The following RTL4 variants were observed in gnomAD, a reference collection of about 807,000 sequenced individuals.
RTL4 encodes the protein retrotransposon Gag like 4.
In RTL4, 4 loss-of-function variants were observed where a neutral mutation model predicts 5.3. The ratio of observed to expected loss-of-function variants is 0.75; its 90% CI spans 0.37 to 1.72. RTL4 has a LOEUF of 1.72. Among genes scored for constraint, RTL4 ranks in the 40% most tolerant of loss-of-function variants. The pLI is 0.04. For missense variants in RTL4, 260 were observed against 227.1 expected (o/e 1.14, Z -0.93); for synonymous variants, 98 against 87.3 (o/e 1.12, Z -0.68).
the RTL4 span, among the ~76,000 whole-genome samples, chrX:112,147,443 T>C: frequency 9.0e-6 from 1 of 111,151 alleles, no homozygotes; most frequent in Non-Finnish European, 1.9e-5. Context: ...GGTTGGTCAG[T>C]GTTAGGAAAT....
At chrX:112,357,720 G>C in the RTL4 span, among the ~76,000 whole-genome samples, 1 of 111,679 alleles carries the variant, frequency 9.0e-6, no homozygotes, top group Admixed American at 9.5e-5. Context: ...ATATATGGCT[G>C]TACAAACAAC....
At chrX:112,140,532 A>G in the RTL4 span, among the ~76,000 whole-genome samples, 6 of 111,608 alleles carry the variant, frequency 5.4e-5, no homozygotes, top group Admixed American at 5.7e-4. Flanking sequence ...CTACAGATTC[A>G]GTGTCTGGTT....
At chrX:112,362,572 G>C in the RTL4 span, among the ~76,000 whole-genome samples, 1 of 111,253 alleles carries the variant, frequency 9.0e-6, no homozygotes, top group African/African-American at 3.3e-5. Flanking sequence ...TATGGTGTTT[G>C]AGAAGAAAGT....
chrX:112,201,149 C>T, the RTL4 span, among the ~76,000 whole-genome samples: 1 of 110,785 alleles, frequency 9.0e-6, no homozygotes, highest in Non-Finnish European at 1.9e-5. Flanking sequence ...AAGTGCTGAG[C>T]GAAGGGAGAA....
chrX:112,097,375 C>G, the RTL4 span, among the ~76,000 whole-genome samples: 2 of 111,244 alleles, frequency 1.8e-5, no homozygotes, highest in Non-Finnish European at 3.8e-5. Context: ...GTGGCTCAAG[C>G]CTGTAACCTG....
chrX:112,186,118 G>C, the RTL4 span, among the ~76,000 whole-genome samples: 1 of 111,627 alleles, frequency 9.0e-6, no homozygotes, highest in East Asian at 2.9e-4. Context: ...CTTCATGCTA[G>C]CAGATTAGCG....
chrX:112,360,520 T>A, the RTL4 span, among the ~76,000 whole-genome samples: 4 of 111,170 alleles, frequency 3.6e-5, no homozygotes, highest in Non-Finnish European at 7.6e-5. Context: ...AAGAATTCTT[T>A]CAGAACATAG....
chrX:112,162,477 G>A, the RTL4 span, among the ~76,000 whole-genome samples: 2 of 111,644 alleles, frequency 1.8e-5, no homozygotes, highest in African/African-American at 6.5e-5. Flanking sequence ...TTAATGAAAG[G>A]AGAAATGATT....
chrX:112,285,588 G>A, the RTL4 span, among the ~76,000 whole-genome samples: 1 of 111,376 alleles, frequency 9.0e-6, no homozygotes, highest in Admixed American at 9.6e-5. Flanking sequence ...GAGGCTGAAG[G>A]AAAAATAAAG....
the RTL4 span, among the ~76,000 whole-genome samples, chrX:112,309,881 T>C: frequency 4.8e-5 from 5 of 104,034 alleles, no homozygotes; most frequent in African/African-American, 7.0e-5. Context: ...TACATATATA[T>C]ACACACACAC....
At chrX:112,381,244 GA>G in the RTL4 span, 1 of 1,202,774 alleles carries the variant, frequency 8.3e-7, no homozygotes, top group Non-Finnish European at 1.1e-6. Context: ...TGACCTTCAG[GA>G]TGAATGCTTG....
chrX:112,083,108 T>TC, the RTL4 span, among the ~76,000 whole-genome samples: 1 of 110,205 alleles, frequency 9.1e-6, no homozygotes, highest in African/African-American at 3.3e-5. Flanking sequence ...GTCTCATCTC[T>TC]CCCCCCTCGG....
the RTL4 span, among the ~76,000 whole-genome samples, chrX:112,402,576 G>A: frequency 9.0e-6 from 1 of 110,721 alleles, no homozygotes; most frequent in Admixed American, 9.7e-5. Context: ...GTCTGAGCTG[G>A]GAATTTGGAA....
the RTL4 span, among the ~76,000 whole-genome samples, chrX:112,398,742 C>G: frequency 3.6e-5 from 4 of 111,725 alleles, no homozygotes; most frequent in South Asian, 1.5e-3. Flanking sequence ...TTTTTTGTTT[C>G]TATCTTCATG....
the RTL4 span, among the ~76,000 whole-genome samples, chrX:112,290,303 A>G: frequency 8.9e-6 from 1 of 112,112 alleles, no homozygotes; most frequent in Non-Finnish European, 1.9e-5. Flanking sequence ...TCTTCAGAGA[A>G]GGAAGCCATC....
the RTL4 span, among the ~76,000 whole-genome samples, chrX:112,244,032 C>T: frequency 8.9e-6 from 1 of 112,183 alleles, no homozygotes; most frequent in Non-Finnish European, 1.9e-5. Context: ...ATCCTGAGGT[C>T]TAATTTGATT....
the RTL4 span, among the ~76,000 whole-genome samples, chrX:112,087,821 A>T: frequency 9.0e-6 from 1 of 111,294 alleles, no homozygotes; most frequent in Non-Finnish European, 1.9e-5. Context: ...CCTAGCACAG[A>T]GCCTAATATA....
the RTL4 span, among the ~76,000 whole-genome samples, chrX:112,414,791 C>T: frequency 9.0e-6 from 1 of 111,315 alleles, no homozygotes. Flanking sequence ...ACAGGTTTGG[C>T]CTAACTGTAA....
the RTL4 span, among the ~76,000 whole-genome samples, chrX:112,340,799 T>A: frequency 1.8e-5 from 2 of 111,089 alleles, no homozygotes; most frequent in Non-Finnish European, 3.8e-5. Context: ...TCACTGCTAC[T>A]TCTGCCTCCC....
Sources: allele counts gnomAD v4.1 joint callset (sites outside exome capture counted in the v4.1 genomes callset), GRCh38; gene constraint gnomAD v4.1.1; transcripts MANE v1.5; gene names NCBI Gene and HGNC (gene_info 2026-07-23, HGNC 2026-07-21).